Variants in HACE1 observed in about 807,000 individuals in gnomAD.
The protein encoded by HACE1 is E3 ubiquitin-protein ligase HACE1.
Under a neutral mutation model 118.4 loss-of-function variants are expected in HACE1, and 73 were observed. That is an observed-to-expected ratio of 0.62 (90% CI 0.51 to 0.75). The LOEUF (loss-of-function observed/expected upper bound fraction) is 0.75, where lower values mean the gene tolerates loss of function less well. HACE1 is among the 30% of genes least tolerant of loss of function. HACE1 has a pLI of 0.00. For synonymous variants in HACE1, 368 were observed against 374.8 expected, an observed-to-expected ratio of 0.98 and a Z score of 0.21; for missense variants, 749 against 1,102.2, an observed-to-expected ratio of 0.68 and a Z score of 4.54.
At position 104,756,426 on chromosome 6, in the gene HACE1, A is replaced by AATAT. The variant is rs143518205; in HGVS notation, c.2212-5958_2212-5955dup. On this transcript the variant is annotated intron_variant, in intron 19 of 23. Coordinates refer to ENST00000262903, the MANE Select transcript of HACE1 (RefSeq NM_020771.4). ...GATTCCATCTCAAAAAAAAAAAAAA[A>AATAT]ATATATATATATATATATATACACA... Among the ~76,000 whole-genome samples, 79 of 105,932 alleles carry AATAT rather than the reference A, an allele frequency of 7.5e-4. No homozygotes were observed. The South Asian group carries it at 9.9e-3, about 13-fold the overall frequency. The allele number at this position is 105,932 out of a possible 152,430, so 69.5% of individuals were successfully genotyped here.
intron 6 of HACE1, among the ~76,000 whole-genome samples, chr6:104,814,123 A>G (rs1214787762): frequency 1.5e-5 from 2 of 137,906 alleles, no homozygotes; most frequent in Non-Finnish European, 3.1e-5. Context: ...AAATAAGAAT[A>G]AAGAAAAGAA....
chr6:104,820,417 A>T (rs2115015630), intron 6 of HACE1, among the ~76,000 whole-genome samples: 1 of 152,270 alleles, frequency 6.6e-6, no homozygotes, highest in South Asian at 2.1e-4. Flanking sequence ...CTACAGAACA[A>T]GAGAAAATTT....
At chr6:104,829,440 T>C (rs953274025) in intron 6 of HACE1, among the ~76,000 whole-genome samples, 2 of 152,118 alleles carry the variant, frequency 1.3e-5, no homozygotes, top group Non-Finnish European at 2.9e-5. Flanking sequence ...GAACACAGAT[T>C]TGTAGAACTA....
At chr6:104,737,368 GC>G (rs1332609263) in intron 22 of HACE1, among the ~76,000 whole-genome samples, 1 of 150,772 alleles carries the variant, frequency 6.6e-6, no homozygotes, top group African/African-American at 2.4e-5. Flanking sequence ...ACAGCTCCCA[GC>G]GTGAGCCACG....
At chr6:104,730,844 C>T (rs1398892358) in intron 22 of HACE1, 2 of 162,638 alleles carry the variant, frequency 1.2e-5, no homozygotes, top group African/African-American at 2.4e-5. Flanking sequence ...ATTCGATTGA[C>T]TAATTCAAGC....
At chr6:104,747,789 T>C (rs980416249) in intron 20 of HACE1, among the ~76,000 whole-genome samples, 4 of 152,204 alleles carry the variant, frequency 2.6e-5, no homozygotes, top group Non-Finnish European at 5.9e-5. Context: ...ATAAAATACC[T>C]GGCAAATACT....
intron 9 of HACE1, among the ~76,000 whole-genome samples, chr6:104,796,217 C>T (rs1407368836): frequency 2.0e-5 from 3 of 152,072 alleles, no homozygotes; most frequent in Admixed American, 1.3e-4. Context: ...CTCAATCCCT[C>T]CTCCCAGCTC....
At chr6:104,789,452 A>C (rs116935456) in intron 11 of HACE1, among the ~76,000 whole-genome samples, 3 of 152,042 alleles carry the variant, frequency 2.0e-5, no homozygotes, top group Non-Finnish European at 4.4e-5. Context: ...GAAAGTATTT[A>C]TATATTATAT....
intron 19 of HACE1, among the ~76,000 whole-genome samples, chr6:104,752,737 ATTT>A (rs905221666): frequency 2.0e-5 from 3 of 152,052 alleles, no homozygotes; most frequent in African/African-American, 4.8e-5. Context: ...CCTACATTTT[ATTT>A]TTTAATTAAT....
At chr6:104,851,370 C>T (rs1239784611) in intron 2 of HACE1, among the ~76,000 whole-genome samples, 1 of 152,244 alleles carries the variant, frequency 6.6e-6, no homozygotes, top group Non-Finnish European at 1.5e-5. Flanking sequence ...GCGTGAGCCA[C>T]CCCACCCGGC....
chr6:104,755,112 A>G (rs1426644883), intron 19 of HACE1, among the ~76,000 whole-genome samples: 2 of 152,214 alleles, frequency 1.3e-5, no homozygotes, highest in African/African-American at 4.8e-5. Flanking sequence ...GCAAATGGAA[A>G]ACAGAAAAAA....
chr6:104,851,240 C>T (rs547101963), intron 2 of HACE1, among the ~76,000 whole-genome samples: 1 of 152,158 alleles, frequency 6.6e-6, no homozygotes, highest in Non-Finnish European at 1.5e-5. Context: ...CATGCCACTA[C>T]ACCCGGCTAA....
At chr6:104,769,729 A>G (rs529393428) in intron 19 of HACE1, among the ~76,000 whole-genome samples, 1 of 152,290 alleles carries the variant, frequency 6.6e-6, no homozygotes, top group East Asian at 1.9e-4. Flanking sequence ...CAGTTTTGCC[A>G]TTAACTCTTT....
At chr6:104,740,280 A>G (rs1776492075) in intron 22 of HACE1, among the ~76,000 whole-genome samples, 1 of 147,938 alleles carries the variant, frequency 6.8e-6, no homozygotes, top group Non-Finnish European at 1.5e-5. Context: ...GAGCAAACAC[A>G]TTCAAAAGCT....
chr6:104,839,331 T>C (rs186787461), intron 5 of HACE1, among the ~76,000 whole-genome samples: 3 of 152,320 alleles, frequency 2.0e-5, no homozygotes, highest in Admixed American at 2.0e-4. Context: ...CTGGATGGAA[T>C]ACTATTCAGC....
intron 19 of HACE1, among the ~76,000 whole-genome samples, chr6:104,763,344 C>T (rs1270007984): frequency 6.6e-6 from 1 of 152,062 alleles, no homozygotes; most frequent in African/African-American, 2.4e-5. Context: ...GGACCAGAAG[C>T]GTTTCAAATT....
At chr6:104,737,298 A>AAG (rs1370533285) in intron 22 of HACE1, among the ~76,000 whole-genome samples, 2 of 151,202 alleles carry the variant, frequency 1.3e-5, no homozygotes, top group Non-Finnish European at 2.9e-5. Context: ...AAAAAAAAAA[A>AAG]AAAAAAAAAG....
intron 22 of HACE1, chr6:104,730,759 A>G (rs1432129110): frequency 3.4e-6 from 1 of 290,716 alleles, no homozygotes; most frequent in Non-Finnish European, 6.7e-6. Context: ...AACAAGTCAT[A>G]TTTACATCTA....
intron 4 of HACE1, among the ~76,000 whole-genome samples, chr6:104,844,348 T>G (rs1053616718): frequency 7.6e-5 from 9 of 119,002 alleles, no homozygotes; most frequent in African/African-American, 2.6e-4. Flanking sequence ...ATAAACATTT[T>G]TTTTTTTTTT....
Sources: allele counts gnomAD v4.1 joint callset (sites outside exome capture counted in the v4.1 genomes callset), GRCh38; gene constraint gnomAD v4.1.1; transcripts MANE v1.5; gene names NCBI Gene and HGNC (gene_info 2026-07-23, HGNC 2026-07-21).